Variants in SYT16 observed in about 807,000 individuals in gnomAD.
SYT16 encodes synaptotagmin-16.
A neutral mutation model predicts 61.4 loss-of-function variants in SYT16; 42 were observed. That is an observed-to-expected ratio of 0.68 (90% CI 0.53 to 0.89). The LOEUF (loss-of-function observed/expected upper bound fraction) is 0.89, where lower values mean the gene tolerates loss of function less well. Ranked by LOEUF, SYT16 falls within the 40% of genes least tolerant of loss-of-function variation. The pLI, the probability that SYT16 is intolerant of heterozygous loss-of-function variation, is 0.00. For missense variants in SYT16, 804 were observed against 807.3 expected (o/e 1.00, Z 0.05); for synonymous variants, 314 against 302.3 (o/e 1.04, Z -0.40).
intron 7 of SYT16, among the ~76,000 whole-genome samples, chr14:62,090,553 T>C (rs2057037628): frequency 6.6e-6 from 1 of 152,160 alleles, no homozygotes; most frequent in Non-Finnish European, 1.5e-5. Context: ...TTAAATATAG[T>C]GTATTAAGAG....
At chr14:61,875,478 TGTG>T (rs556599296) in intron 1 of SYT16, among the ~76,000 whole-genome samples, 5 of 152,360 alleles carry the variant, frequency 3.3e-5, no homozygotes, top group Admixed American at 6.5e-5. Flanking sequence ...TTGGTTTTCA[TGTG>T]GTTAAAACAT....
intron 6 of SYT16, 81 bp downstream of exon 6, chr14:62,081,355 G>A (rs770510482): frequency 7.1e-7 from 1 of 1,406,772 alleles, no homozygotes; most frequent in African/African-American, 1.4e-5. Context: ...AGTACGTTCA[G>A]TCTGTGAATT....
chr14:61,959,621 T>A (rs2051034731), intron 1 of SYT16, among the ~76,000 whole-genome samples: 1 of 152,334 alleles, frequency 6.6e-6, no homozygotes, highest in East Asian at 1.9e-4. Flanking sequence ...ATTCTTACTA[T>A]CTTTTCTTTT....
At chr14:61,969,484 G>A (rs2051454878) in intron 1 of SYT16, among the ~76,000 whole-genome samples, 2 of 152,072 alleles carry the variant, frequency 1.3e-5, no homozygotes, top group African/African-American at 4.8e-5. Flanking sequence ...GGAGGAGGAG[G>A]GGAAGGAAGA....
intron 1 of SYT16, among the ~76,000 whole-genome samples, chr14:61,839,852 T>G (rs948696742): frequency 2.0e-5 from 3 of 146,624 alleles, no homozygotes; most frequent in African/African-American, 7.6e-5. Flanking sequence ...TTTCTTGTGA[T>G]GAAGAATGTC....
chr14:61,984,147 C>G (rs1030562877), intron 2 of SYT16, among the ~76,000 whole-genome samples: 1 of 152,180 alleles, frequency 6.6e-6, no homozygotes, highest in Non-Finnish European at 1.5e-5. Flanking sequence ...ATTTGATCTT[C>G]CCAAATGCCT....
intron 1 of SYT16, among the ~76,000 whole-genome samples, chr14:61,945,967 T>C (rs543198405): frequency 7.7e-6 from 1 of 129,102 alleles, no homozygotes; most frequent in South Asian, 2.7e-4. Flanking sequence ...GAAGAGAAAA[T>C]CAAACACCAC....
At chr14:61,948,989 G>C (rs1301620775) in intron 1 of SYT16, among the ~76,000 whole-genome samples, 3 of 152,170 alleles carry the variant, frequency 2.0e-5, no homozygotes, top group African/African-American at 7.2e-5. Context: ...AGAGACCTTA[G>C]GAGGAGACAG....
chr14:62,017,193 C>T (rs995234503), intron 3 of SYT16, among the ~76,000 whole-genome samples: 1 of 152,150 alleles, frequency 6.6e-6, no homozygotes. Context: ...CTTTAGAGAT[C>T]CAAAGTTTCA....
chr14:62,084,687 C>T (rs927358496), intron 7 of SYT16, among the ~76,000 whole-genome samples: 6 of 152,220 alleles, frequency 3.9e-5, no homozygotes, highest in South Asian at 2.1e-4. Context: ...TCTGCTAATA[C>T]GTCCTAGGCC....
intron 2 of SYT16, among the ~76,000 whole-genome samples, chr14:61,979,431 C>G (rs1162972631): frequency 6.6e-6 from 1 of 152,102 alleles, no homozygotes; most frequent in African/African-American, 2.4e-5. Context: ...AATGAATTTT[C>G]TTTTACCTGT....
chr14:61,998,010 C>T (rs563971515), intron 3 of SYT16, among the ~76,000 whole-genome samples: 11 of 151,894 alleles, frequency 7.2e-5, no homozygotes, highest in African/African-American at 2.4e-4. Flanking sequence ...TAATAATTAA[C>T]GATGGAACAG....
chr14:62,054,034 C>T (rs80200264), intron 3 of SYT16, among the ~76,000 whole-genome samples: 10,443 of 152,212 alleles, frequency 0.069, 467 homozygotes, highest in East Asian at 0.12. Context: ...ACAAAGCAAG[C>T]TGGGGAAAGA....
chr14:61,832,092 A>C, intron 1 of SYT16: 1 of 729,248 alleles, frequency 1.4e-6, no homozygotes, highest in Admixed American at 1.8e-5. Context: ...GCCCCTGTTC[A>C]TCTCAGCAAA....
At chr14:61,992,060 G>C (rs1256360666) in intron 2 of SYT16, among the ~76,000 whole-genome samples, 1 of 152,124 alleles carries the variant, frequency 6.6e-6, no homozygotes, top group Non-Finnish European at 1.5e-5. Context: ...CCTAGCACTT[G>C]TGGACTCCCA....
At chr14:61,940,222 T>G (rs144868892) in intron 1 of SYT16, among the ~76,000 whole-genome samples, 88 of 152,268 alleles carry the variant, frequency 5.8e-4, no homozygotes, top group African/African-American at 2.1e-3. Context: ...GCTTTTGAGG[T>G]GACATTCCTT....
At chr14:61,884,147 T>C (rs2047805442) in intron 1 of SYT16, among the ~76,000 whole-genome samples, 1 of 152,176 alleles carries the variant, frequency 6.6e-6, no homozygotes, top group Non-Finnish European at 1.5e-5. Flanking sequence ...GTGGCCTTTG[T>C]TTTTCTGCAC....
intron 1 of SYT16, among the ~76,000 whole-genome samples, chr14:61,881,756 A>G (rs2047707102): frequency 6.6e-6 from 1 of 152,130 alleles, no homozygotes; most frequent in African/African-American, 2.4e-5. Flanking sequence ...CTTTTGTCTC[A>G]TGTCTACTTA....
At chr14:61,844,026 A>G (rs1387881252) in intron 1 of SYT16, among the ~76,000 whole-genome samples, 2 of 152,172 alleles carry the variant, frequency 1.3e-5, no homozygotes. Context: ...GATTTTTCCA[A>G]TCCACGAATA....
Sources: allele counts gnomAD v4.1 joint callset (sites outside exome capture counted in the v4.1 genomes callset), GRCh38; gene constraint gnomAD v4.1.1; transcripts MANE v1.5; gene names NCBI Gene and HGNC (gene_info 2026-07-23, HGNC 2026-07-21).